The following DMD variants were observed in gnomAD, a reference collection of about 807,000 sequenced individuals.
DMD encodes the protein mutant dystrophin.
In DMD, 63 loss-of-function variants were observed where a neutral mutation model predicts 330.1. The observed-to-expected ratio is 0.19, with a 90% CI of 0.16 to 0.24. DMD has a LOEUF of 0.24. DMD is among the 10% of genes least tolerant of loss of function. DMD has a pLI of 1.00. For missense variants in DMD, 3,344 were observed against 2,684.1 expected (o/e 1.25, Z -5.43); for synonymous variants, 1,223 against 959.8 (o/e 1.27, Z -5.07).
At chrX:33,010,202 A>G (rs1411897996) in intron 2 of DMD, among the ~76,000 whole-genome samples, 2 of 93,549 alleles carry the variant, frequency 2.1e-5, no homozygotes, top group Admixed American at 1.1e-4. Flanking sequence ...ATATATGCAT[A>G]TGTGTGTGTA....
At chrX:33,197,484 T>G (rs2051012834) in intron 1 of DMD, among the ~76,000 whole-genome samples, 1 of 111,246 alleles carries the variant, frequency 9.0e-6, no homozygotes, top group African/African-American at 3.3e-5. Flanking sequence ...CTATTCGACA[T>G]TATCAAGTGT....
At chrX:31,207,239 C>G (rs1456509459) in intron 65 of DMD, among the ~76,000 whole-genome samples, 1 of 111,661 alleles carries the variant, frequency 9.0e-6, no homozygotes, top group Non-Finnish European at 1.9e-5. Context: ...ATATCATACT[C>G]TATTAAACAA....
intron 44 of DMD, among the ~76,000 whole-genome samples, chrX:32,211,857 C>G (rs1437839363): frequency 1.8e-5 from 2 of 112,048 alleles, no homozygotes; most frequent in African/African-American, 6.5e-5. Context: ...GGTTTAAATA[C>G]TTAATCTAAT....
intron 67 of DMD, 77 bp from the exon 68 acceptor site, chrX:31,182,981 A>G: frequency 1.2e-6 from 1 of 852,230 alleles, no homozygotes. Flanking sequence ...GGAGGTGTAT[A>G]TCAGTTCGAT....
intron 44 of DMD, among the ~76,000 whole-genome samples, chrX:32,072,921 T>C (rs926750743): frequency 1.8e-5 from 2 of 112,217 alleles, no homozygotes; most frequent in Non-Finnish European, 3.8e-5. Context: ...TAGCCTGCGA[T>C]GCAGGCAGGG....
chrX:31,231,195 G>A (rs1173109042), intron 63 of DMD, among the ~76,000 whole-genome samples: 2 of 110,462 alleles, frequency 1.8e-5, no homozygotes, highest in African/African-American at 6.6e-5. Context: ...AAGGATAAAT[G>A]TCTTCTAAAA....
intron 41 of DMD, among the ~76,000 whole-genome samples, chrX:32,336,361 A>G (rs1434069994): frequency 8.9e-6 from 1 of 111,800 alleles, no homozygotes; most frequent in Non-Finnish European, 1.9e-5. Context: ...TTAATCTACA[A>G]ACAAGGTTAA....
At chrX:31,810,860 A>G (rs141382044) in intron 50 of DMD, among the ~76,000 whole-genome samples, 2 of 112,018 alleles carry the variant, frequency 1.8e-5, no homozygotes, top group African/African-American at 6.5e-5. Flanking sequence ...TCAGAGTATG[A>G]CAGTCAAGAT....
chrX:31,363,391 T>TTTA lies in DMD; in HGVS notation c.9085-14758_9085-14757insTAA, dbSNP rs1171615983. On this transcript the variant is annotated intron_variant, in intron 60 of 78. Coordinates refer to ENST00000357033, the MANE Select transcript of DMD (RefSeq NM_004006.3). ...ATGTATCTTTTTTTTTTTTTTTTTT[T>TTTA]TTTTTTTTGAGACAGAGTCTTGCTC... Among the ~76,000 whole-genome samples the TTTA allele has an allele frequency of 6.1e-3, 548 of 89,518 alleles. 8 individuals are homozygous for TTTA. Among genetic ancestry groups the TTTA allele is most frequent in the African/African-American group, 0.022 (509 of 23,145 alleles). The allele number at this position is 89,518 out of a possible 115,157, so 77.7% of individuals were successfully genotyped here.
Position 31,923,431 on chromosome X carries a change from T to C in DMD, c.6912+6165A>G, listed in dbSNP as rs749998673. On this transcript the variant is annotated intron_variant, in intron 47 of 78. Transcript: ENST00000357033. ...TGGCACATAGTAGTCCTTTAATAGATAGCTCTTGAATAAATAATTTAATTA... is the reference window on the plus strand; with the variant it reads ...TGGCACATAGTAGTCCTTTAATAGACAGCTCTTGAATAAATAATTTAATTA... Among the ~76,000 whole-genome samples the C allele has an allele frequency of 3.6e-5, 4 of 111,127 alleles. No homozygotes were observed. In the East Asian group the frequency reaches 1.1e-3, roughly 31 times the overall value.
chrX:32,052,583 C>T (rs766929478), intron 44 of DMD, among the ~76,000 whole-genome samples: 3 of 111,158 alleles, frequency 2.7e-5, no homozygotes, highest in East Asian at 2.8e-4. Context: ...TATATGAAAA[C>T]GTGGCATGAA....
rs112020288 is a variant in DMD, at chrX:32,293,530, A to G, written c.6118-5829T>C. On this transcript the variant is annotated intron_variant, in intron 42 of 78. Coordinates refer to ENST00000357033, the MANE Select transcript of DMD (RefSeq NM_004006.3). The stretch of plus-strand genomic sequence containing the variant: ...ATTGGTGATCTTATCGAGAGCAACA[A>G]CAGCATGTTGGAAGTGGAAAACATA... Among the ~76,000 whole-genome samples the G allele has an allele frequency of 1.9e-3, 217 of 111,854 alleles. 3 individuals are homozygous for G. The highest frequency in any genetic ancestry group is 2.5e-3 in the Non-Finnish European group (132 of 53,164).
At chrX:32,791,031 C>A (rs2075780587) in intron 7 of DMD, among the ~76,000 whole-genome samples, 1 of 111,092 alleles carries the variant, frequency 9.0e-6, no homozygotes, top group South Asian at 3.9e-4. Flanking sequence ...GGCTCTCCCA[C>A]CCCAGTTTAC....
chrX:33,075,233 CAG>C (rs1488362832), intron 1 of DMD, among the ~76,000 whole-genome samples: 1 of 111,986 alleles, frequency 8.9e-6, no homozygotes, highest in Non-Finnish European at 1.9e-5. Flanking sequence ...AGAAGAGACT[CAG>C]TGCACAGGAG....
intron 44 of DMD, among the ~76,000 whole-genome samples, chrX:32,173,066 G>GGTGT (rs3040089): frequency 0.077 from 6,913 of 89,489 alleles, 300 homozygotes; most frequent in African/African-American, 0.13. Flanking sequence ...ACCTGATTTT[G>GGTGT]GTGTGTGTGT....
chrX:31,848,194 T>C (rs944500272), intron 48 of DMD, among the ~76,000 whole-genome samples: 2 of 112,184 alleles, frequency 1.8e-5, no homozygotes, highest in Non-Finnish European at 1.9e-5. Context: ...GAGAAAATCC[T>C]GTCCCTTCTC....
intron 11 of DMD, among the ~76,000 whole-genome samples, chrX:32,621,796 G>T (rs1287110973): frequency 9.0e-6 from 1 of 110,898 alleles, no homozygotes; most frequent in Non-Finnish European, 1.9e-5. Context: ...CTCTTCATTA[G>T]TGGTTCTGAA....
At chrX:33,296,476 A>G (rs770382373) in intron 1 of DMD, among the ~76,000 whole-genome samples, 1 of 111,004 alleles carries the variant, frequency 9.0e-6, no homozygotes, top group Admixed American at 9.6e-5. Flanking sequence ...AAAAAATAAG[A>G]GGTTTTTCAA....
At chrX:33,335,485 T>A (rs2054239148) in intron 1 of DMD, among the ~76,000 whole-genome samples, 1 of 110,989 alleles carries the variant, frequency 9.0e-6, no homozygotes, top group Non-Finnish European at 1.9e-5. Context: ...TCATGTCCTG[T>A]ACTTGCCAGA....
Sources: allele counts gnomAD v4.1 joint callset (sites outside exome capture counted in the v4.1 genomes callset), GRCh38; gene constraint gnomAD v4.1.1; transcripts MANE v1.5; gene names NCBI Gene and HGNC (gene_info 2026-07-23, HGNC 2026-07-21).